VSNL1: variants seen among roughly 807,000 people sequenced by gnomAD.
VSNL1 encodes the protein visinin-like protein 1.
In VSNL1, 6 loss-of-function variants were observed where a neutral mutation model predicts 20.4. The ratio of observed to expected loss-of-function variants is 0.29; its 90% CI spans 0.16 to 0.58. The LOEUF (loss-of-function observed/expected upper bound fraction) is 0.58. VSNL1 is among the 20% of genes least tolerant of loss of function. The probability of loss-of-function intolerance (pLI) is 0.90; values close to 1 mark genes in which losing one functional copy is unlikely to be tolerated. For missense variants in VSNL1, 100 were observed against 234.5 expected (o/e 0.43, Z 3.75); for synonymous variants, 93 against 86.4 (o/e 1.08, Z -0.42).
chr2:17,643,102 C>T (rs1038433665), intron 2 of VSNL1, among the ~76,000 whole-genome samples: 1 of 152,162 alleles, frequency 6.6e-6, no homozygotes, highest in Non-Finnish European at 1.5e-5. Context: ...TGGCTTATCA[C>T]ATCTGCTTGA....
intron 1 of VSNL1, among the ~76,000 whole-genome samples, chr2:17,572,483 A>G (rs1664106806): frequency 6.6e-6 from 1 of 152,174 alleles, no homozygotes; most frequent in South Asian, 2.1e-4. Flanking sequence ...AGCCCAGGAT[A>G]CTTATGCCAA....
At chr2:17,644,694 G>C (rs925240125) in intron 2 of VSNL1, among the ~76,000 whole-genome samples, 1 of 152,154 alleles carries the variant, frequency 6.6e-6, no homozygotes, top group Non-Finnish European at 1.5e-5. Flanking sequence ...CTTGCTGAAA[G>C]AATCAGCTGG....
At chr2:17,568,438 A>G (rs567915966) in intron 1 of VSNL1, among the ~76,000 whole-genome samples, 37 of 152,146 alleles carry the variant, frequency 2.4e-4, no homozygotes, top group African/African-American at 8.2e-4. Flanking sequence ...AGACAAGTAT[A>G]TACATATTTT....
intron 2 of VSNL1, among the ~76,000 whole-genome samples, chr2:17,604,465 C>T (rs967291204): frequency 6.6e-6 from 1 of 152,224 alleles, no homozygotes. Context: ...AGCTGCCTGC[C>T]CTGAGCCCTC....
At chr2:17,615,314 A>G (rs1665190769) in intron 2 of VSNL1, among the ~76,000 whole-genome samples, 1 of 152,152 alleles carries the variant, frequency 6.6e-6, no homozygotes, top group Admixed American at 6.6e-5. Context: ...AGTTTTCACA[A>G]CATGTATGGA....
chr2:17,647,526 T>G (rs1259114077), intron 2 of VSNL1, among the ~76,000 whole-genome samples: 1 of 152,128 alleles, frequency 6.6e-6, no homozygotes, highest in Non-Finnish European at 1.5e-5. Flanking sequence ...ACTTGCCTAT[T>G]TAGAAGTTTT....
Position 17,639,605 on chromosome 2 carries a change from T to A in VSNL1, c.163-9805T>A, listed in dbSNP as rs909362805. On this transcript the variant is annotated intron_variant, in intron 2 of 3. Coordinates refer to ENST00000295156, the MANE Select transcript of VSNL1 (RefSeq NM_003385.5). ...AAAGAATATATGTACTCTTTAAATG[T>A]TCCTTAGTTTTCGTATTATTGGCTC... is the stretch of plus-strand genomic sequence containing the variant. Among the ~76,000 whole-genome samples, 5 of 152,342 alleles carry A rather than the reference T, an allele frequency of 3.3e-5. No homozygotes were observed. The East Asian group carries it at 9.6e-4, about 29-fold the overall frequency.
At chr2:17,584,438 C>T (rs1306774149) in intron 1 of VSNL1, among the ~76,000 whole-genome samples, 1 of 152,080 alleles carries the variant, frequency 6.6e-6, no homozygotes. Flanking sequence ...TTGATTATGC[C>T]ATTTTGACCC....
chr2:17,596,023 T>C (rs189916607), intron 2 of VSNL1, among the ~76,000 whole-genome samples: 1 of 152,322 alleles, frequency 6.6e-6, no homozygotes, highest in Admixed American at 6.5e-5. Flanking sequence ...GTCAACACAT[T>C]CTCTTGGACT....
At chr2:17,651,860 A>G (rs1666129416) in intron 3 of VSNL1, among the ~76,000 whole-genome samples, 2 of 152,318 alleles carry the variant, frequency 1.3e-5, no homozygotes, top group Non-Finnish European at 2.9e-5. Flanking sequence ...GACATTATGA[A>G]TGTTGCATTA....
intron 1 of VSNL1, among the ~76,000 whole-genome samples, chr2:17,579,425 C>T (rs1053855538): frequency 2.0e-5 from 3 of 152,164 alleles, no homozygotes; most frequent in Non-Finnish European, 4.4e-5. Flanking sequence ...ACAAAGCCCA[C>T]TTCTTTCTAT....
At chr2:17,646,998 C>T (rs376535679) in intron 2 of VSNL1, among the ~76,000 whole-genome samples, 22 of 152,198 alleles carry the variant, frequency 1.4e-4, no homozygotes, top group African/African-American at 5.3e-4. Context: ...GGAAACAACC[C>T]CTCCAGAAAT....
chr2:17,576,126 C>G (rs62131544), intron 1 of VSNL1, among the ~76,000 whole-genome samples: 5,025 of 152,222 alleles, frequency 0.033, 88 homozygotes, highest in East Asian at 0.098. Context: ...CATTTGTAAG[C>G]AGCAAGAGAG....
At chr2:17,646,044 G>A (rs1259920956) in intron 2 of VSNL1, among the ~76,000 whole-genome samples, 1 of 152,164 alleles carries the variant, frequency 6.6e-6, no homozygotes, top group Non-Finnish European at 1.5e-5. Flanking sequence ...ATTTATCACA[G>A]TAAAATTTTA....
intron 1 of VSNL1, among the ~76,000 whole-genome samples, chr2:17,577,935 T>G (rs1664255819): frequency 6.6e-6 from 1 of 152,208 alleles, no homozygotes; most frequent in African/African-American, 2.4e-5. Context: ...TTGTGTAACC[T>G]TCTCGGTAAG....
chr2:17,612,370 C>T (rs762627423), intron 2 of VSNL1, among the ~76,000 whole-genome samples: 11 of 152,190 alleles, frequency 7.2e-5, no homozygotes, highest in East Asian at 3.9e-4. Context: ...AGGCCCCTTC[C>T]GCCTCCATGT....
intron 1 of VSNL1, among the ~76,000 whole-genome samples, chr2:17,544,741 A>C (rs1663369673): frequency 6.6e-6 from 1 of 152,200 alleles, no homozygotes; most frequent in African/African-American, 2.4e-5. Flanking sequence ...GTGATTATTT[A>C]GGAAAATAGG....
chr2:17,648,491 G>C (rs1666047622), intron 2 of VSNL1, among the ~76,000 whole-genome samples: 1 of 152,236 alleles, frequency 6.6e-6, no homozygotes, highest in African/African-American at 2.4e-5. Context: ...AGACCTTGTA[G>C]TGCTTGCCTA....
chr2:17,647,671 C>T (rs1292545108), intron 2 of VSNL1, among the ~76,000 whole-genome samples: 1 of 152,200 alleles, frequency 6.6e-6, no homozygotes, highest in Non-Finnish European at 1.5e-5. Context: ...GTCCTTCCCT[C>T]TACAACTCCC....
Sources: gnomAD v4.1 joint callset for allele counts (sites outside exome capture counted in the v4.1 genomes callset) on GRCh38, gnomAD v4.1.1 for gene constraint, MANE v1.5 for transcripts, NCBI Gene and HGNC (gene_info 2026-07-23, HGNC 2026-07-21) for gene names.